APEH: variants seen among roughly 807,000 people sequenced by gnomAD.
APEH encodes the protein acylaminoacyl-peptide hydrolase, also known as acylamino-acid-releasing enzyme.
APEH carries 75 observed loss-of-function variants against 102.7 expected under a neutral mutation model. The observed-to-expected ratio is 0.73, with a 90% confidence interval of 0.61 to 0.89. APEH has a LOEUF of 0.89. Ranked by LOEUF, APEH falls within the 40% of genes least tolerant of loss-of-function variation. The pLI is 0.00. For synonymous variants in APEH, 344 were observed against 362.7 expected, an observed-to-expected ratio of 0.95 and a Z score of 0.59; for missense variants, 863 against 941.2, an observed-to-expected ratio of 0.92 and a Z score of 1.09.
rs1483817299 is a variant in APEH, at chr3:49,683,500, CAG to C, written c.*161_*162del. 3.1e-6 allele frequency: 2 copies of C among 650,466 alleles called. No homozygotes were observed. The highest frequency in any genetic ancestry group is 2.7e-6 in the Non-Finnish European group (1 of 374,930). 40.3% of individuals were successfully genotyped at this position (650,466 alleles called of 1,614,324 possible). ...TATGTAGTCATAATAAATTAGGACACAGAGCCTGGTTCCTGCTGGTACTTTGT... is the reference window on the plus strand; with the variant it reads ...TATGTAGTCATAATAAATTAGGACACAGCCTGGTTCCTGCTGGTACTTTGT... On this transcript the variant is annotated 3_prime_UTR_variant, in exon 22 of 22. Coordinates refer to ENST00000296456, the MANE Select transcript of APEH (RefSeq NM_001640.4).
Position 49,683,330 on chromosome 3 carries a change from C to T in APEH, c.2187C>T (p.His729=), listed in dbSNP as rs1325912772. ...FMNAVLWLRT[H]LGS ...ATGCTGTGCTCTGGCTACGCACACA[C>T]TTGGGCAGCTGAAGCCCTGCCATTC... Residue 729 remains histidine, a synonymous_variant, in exon 22 of 22, where the codon CAC becomes CAT. Transcript: ENST00000296456. The T allele has an allele frequency of 2.5e-6, 4 of 1,612,512 alleles. No homozygotes were observed. Among genetic ancestry groups the T allele is most frequent in the African/African-American group, 2.7e-5 (2 of 74,914 alleles).
intron 3 of APEH, 169 bp from the exon 4 acceptor site, chr3:49,675,523 CAG>C (rs2052989904): frequency 1.0e-6 from 1 of 957,890 alleles, no homozygotes; most frequent in Non-Finnish European, 1.6e-6. Flanking sequence ...TGGGGAGTTG[CAG>C]AGAGTAGAGT....
In APEH at chr3:49,674,523, T is replaced by C; in HGVS notation, c.47T>C (p.Leu16Pro). 1 of 1,568,066 alleles carries C rather than the reference T, an allele frequency of 6.4e-7. No homozygotes were observed. ...LLSEPEEAAA[L>P]YRGLSRQPAL... ...AGCGAGCCCGAGGAGGCGGCGGCTC[T>C]GTATCGGGGCCTTAGCCGCCAGCCC... is the stretch of plus-strand genomic sequence containing the variant. The change falls in exon 2 of 22, where the codon CTG becomes CCG. Residue 16 changes from leucine to proline, a missense_variant. Coordinates refer to ENST00000296456, the MANE Select transcript of APEH (RefSeq NM_001640.4).
At chr3:49,674,307 C>T, upstream of APEH, 6 of 1,454,996 alleles carry the variant, frequency 4.1e-6, no homozygotes, top group Non-Finnish European at 5.5e-6. Context: ...AGGGCAGGGG[C>T]GGAGACAGCC....
In APEH at chr3:49,676,198, G is replaced by A. The variant is rs1164109767; in HGVS notation, c.585G>A (p.Lys195=). ...GCGATGATGAGATAGCCAGGCTGAA[G>A]AAGCCAGACCAAGCCATCAAGGTGC... ...SASDDEIARL[K]KPDQAIKGDQ... is the part of the protein sequence containing the mutation. The change falls in exon 6 of 22, where the codon AAG becomes AAA. Residue 195 remains lysine, a synonymous_variant. Coordinates refer to ENST00000296456, the MANE Select transcript of APEH (RefSeq NM_001640.4). The A allele has an allele frequency of 1.2e-6, 2 of 1,614,074 alleles. No individual in the cohort carries two copies. Among genetic ancestry groups the A allele is most frequent in the South Asian group, 1.1e-5 (1 of 91,092 alleles).
intron 17 of APEH, 126 bp downstream of exon 17, chr3:49,682,093 C>T (rs916448973): frequency 6.2e-6 from 7 of 1,120,606 alleles, no homozygotes; most frequent in Middle Eastern, 2.6e-4. Flanking sequence ...GACCTAGTAA[C>T]CACTACCAGG....
Position 49,683,822 on chromosome 3 carries a change from C to T in APEH, c.*480C>T. 1.4e-6 allele frequency: 1 copy of T among 723,262 alleles called. No individual in the cohort carries two copies. Among genetic ancestry groups the T allele is most frequent in the South Asian group, 2.1e-5 (1 of 48,704 alleles). 44.8% of individuals were successfully genotyped at this position (723,262 alleles called of 1,614,324 possible). ...GCAAAAGTAGTCCCAGGGACATTGC[C>T]TTGGTTGGGGAAGCCCCTAGGCTGG... On this transcript the variant is annotated 3_prime_UTR_variant, in exon 22 of 22. Transcript: ENST00000296456.
chr3:49,676,359 G>A lies in APEH; in HGVS notation c.607-19G>A, dbSNP rs763116001. The A allele has an allele frequency of 4.3e-6, 7 of 1,613,936 alleles. No homozygotes were observed. The African/African-American group carries it at 9.3e-5, about 22-fold the overall frequency. On this transcript the variant is annotated intron_variant, in intron 6 of 21. Coordinates refer to ENST00000296456, the MANE Select transcript of APEH (RefSeq NM_001640.4). ...AGGTCCTATAGACAGGCTGGGCATT[G>A]AGTATCTTGTGTTCTCAGGGGGATC...
chr3:49,676,808 G>A lies in APEH; in HGVS notation c.868G>A (p.Gly290Arg). The A allele has an allele frequency of 1.2e-6, 2 of 1,614,278 alleles. No homozygotes were observed. Among genetic ancestry groups the A allele is most frequent in the South Asian group, 2.2e-5 (2 of 91,090 alleles). Residue 290 changes from glycine to arginine, a missense_variant, in exon 9 of 22, where the codon GGG becomes AGG. Physicochemically the swap from Gly to Arg is moderately radical, Grantham distance 125. Coordinates refer to ENST00000296456, the MANE Select transcript of APEH (RefSeq NM_001640.4). The stretch of plus-strand genomic sequence containing the variant: ...CCTGTATTATGTGGACCTCATCGGG[G>A]GGAAGTGTGGTAAGTGGCTGATGCC... ...SALYYVDLIGGKCELLSDDSL... is the reference protein window; with the variant it reads ...SALYYVDLIGRKCELLSDDSL...
In APEH at chr3:49,682,620, T is replaced by G; in HGVS notation, c.1767T>G (p.Gly589=). 3 of 1,614,124 alleles carry G rather than the reference T, an allele frequency of 1.9e-6. No homozygotes were observed. Among genetic ancestry groups the G allele is most frequent in the Non-Finnish European group, 2.5e-6 (3 of 1,180,032 alleles). ...SHVALMGGSH[G]GFISCHLIGQ... ...TGGCCCTTATGGGTGGTTCCCATGG[T>G]GGCTTCATTTCCTGCCACTTGATTG... The change falls in exon 19 of 22, where the codon GGT becomes GGG. Residue 589 remains glycine, a synonymous_variant. Transcript: ENST00000296456.
intron 2 of APEH, 50 bp downstream of exon 2, chr3:49,674,671 G>A (rs1406958407): frequency 6.3e-7 from 1 of 1,575,968 alleles, no homozygotes; most frequent in African/African-American, 1.3e-5. Flanking sequence ...GCACTGGGGT[G>A]GGAAGGAAGG....
Position 49,677,611 on chromosome 3 carries a change from T to C in APEH, c.1038T>C (p.Asp346=). Residue 346 remains aspartate, a synonymous_variant, in exon 11 of 22, where the codon GAT becomes GAC. Coordinates refer to ENST00000296456, the MANE Select transcript of APEH (RefSeq NM_001640.4). ...WYTKVTSVVV[D]VVPRQLGENF... ...CCAAGGTTACCTCAGTGGTGGTAGATGTTGTGCCTCGGCAGCTGGGAGGTA... is the reference window on the plus strand; with the variant it reads ...CCAAGGTTACCTCAGTGGTGGTAGACGTTGTGCCTCGGCAGCTGGGAGGTA... 1 of 1,613,640 alleles carries C rather than the reference T, an allele frequency of 6.2e-7. No homozygotes were observed. The highest frequency in any genetic ancestry group is 8.5e-7 in the Non-Finnish European group (1 of 1,179,606).
chr3:49,681,631 A>G, intron 15 of APEH, 91 bp from the exon 16 acceptor site: 1 of 1,224,930 alleles, frequency 8.2e-7, no homozygotes, highest in Admixed American at 2.8e-5. Flanking sequence ...TCTCTGACCC[A>G]GAGGTCAGCC....
Position 49,679,061 on chromosome 3 carries a change from G to A in APEH, c.1158+112G>A, listed in dbSNP as rs546189037. 6.4e-5 allele frequency: 56 copies of A among 868,570 alleles called. No homozygotes were observed. In the African/African-American group the frequency reaches 9.3e-4, roughly 14 times the overall value. The allele number at this position is 868,570 out of a possible 1,614,324, so 53.8% of individuals were successfully genotyped here. A position where few individuals can be genotyped will look rare whatever the true frequency, so the allele number is the denominator to read the frequency against. ...AATGCCCAGCCACAAAGTCTCATCA[G>A]CCCCTTAAAACCCTGCCTGCCCATC... is the stretch of plus-strand genomic sequence containing the variant. On this transcript the variant is annotated intron_variant, in intron 12 of 21. Coordinates refer to ENST00000296456, the MANE Select transcript of APEH (RefSeq NM_001640.4). This position sits in a 1 kb window ranked among gnomAD's most constrained non-coding sequence, Gnocchi z 4.3.
intron 14 of APEH, among the ~76,000 whole-genome samples, 170 bp from the exon 15 acceptor site, chr3:49,680,931 G>GA (rs751254437): frequency 7.2e-5 from 11 of 152,334 alleles, no homozygotes; most frequent in Non-Finnish European, 1.3e-4. Flanking sequence ...GTGATTGTAT[G>GA]AGTATGAATA....
intron 17 of APEH, 33 bp from the exon 18 acceptor site, chr3:49,682,315 T>C: frequency 6.3e-7 from 1 of 1,578,748 alleles, no homozygotes. Flanking sequence ...GAATGTTGCC[T>C]GACTACACTG....
chr3:49,676,583 C>T (rs1351977566), intron 7 of APEH, 26 bp from the exon 8 acceptor site: 4 of 1,614,222 alleles, frequency 2.5e-6, no homozygotes, highest in East Asian at 2.2e-5. Context: ...CCCTTGCTCA[C>T]TCCTGCCCTT....
Position 49,679,663 on chromosome 3 carries a change from A to G in APEH, c.1210+19A>G. On this transcript the variant is annotated intron_variant, in intron 13 of 21. Transcript: ENST00000296456. The surrounding 1 kb of genome is among the most constrained non-coding windows in gnomAD (Gnocchi z 4.3). ...ACAGCTGGTGAGCAAGGCTTTGGGGATGGGGGTAAGGGCAGGGCTGGTGAG... is the reference window on the plus strand; with the variant it reads ...ACAGCTGGTGAGCAAGGCTTTGGGGGTGGGGGTAAGGGCAGGGCTGGTGAG... 1.2e-6 allele frequency: 2 copies of G among 1,612,542 alleles called. No homozygotes were observed. The highest frequency in any genetic ancestry group is 1.7e-5 in the Admixed American group (1 of 59,974).
intron 2 of APEH, among the ~76,000 whole-genome samples, 188 bp from the exon 3 acceptor site, chr3:49,674,995 C>T (rs2052958130): frequency 1.3e-5 from 2 of 152,196 alleles, no homozygotes; most frequent in African/African-American, 2.4e-5. Context: ...GCTGTCAGCT[C>T]AGGCTCTGGA....
Sources: gnomAD v4.1 joint callset for allele counts (sites outside exome capture counted in the v4.1 genomes callset) on GRCh38, gnomAD v4.1.1 for gene constraint, Gnocchi (gnomAD v3.1) non-coding constraint, MANE v1.5 for transcripts, NCBI Gene and HGNC (gene_info 2026-07-23, HGNC 2026-07-21) for gene names.